The following EPB41L4B variants were observed in gnomAD, a reference collection of about 807,000 sequenced individuals.
EPB41L4B encodes the protein band 4.1-like protein 4B.
A neutral mutation model predicts 112.5 loss-of-function variants in EPB41L4B; 30 were observed. The observed-to-expected ratio is 0.27, with a 90% CI of 0.20 to 0.36. The LOEUF (loss-of-function observed/expected upper bound fraction) is 0.36. Ranked by LOEUF, EPB41L4B falls within the 10% of genes least tolerant of loss-of-function variation. EPB41L4B has a pLI of 1.00. For synonymous variants in EPB41L4B, 408 were observed against 439.7 expected, an observed-to-expected ratio of 0.93 and a Z score of 0.90; for missense variants, 1,024 against 1,133.3, an observed-to-expected ratio of 0.90 and a Z score of 1.38.
chr9:109,313,279 A>G (rs1444774235), intron 1 of EPB41L4B, among the ~76,000 whole-genome samples: 1 of 152,238 alleles, frequency 6.6e-6, no homozygotes, highest in African/African-American at 2.4e-5. Flanking sequence ...TTGCTGACTG[A>G]AGAAAACATA....
At position 109,174,273 on chromosome 9, in the gene EPB41L4B, C is replaced by G. The variant is rs1831728895; in HGVS notation, c.*281G>C. ...CCCTGTGGTTATTAACAGATACACA[C>G]AGGTACTTCTGAAAAGGAATCCCGT... On this transcript the variant is annotated 3_prime_UTR_variant, in exon 26 of 26. Coordinates refer to ENST00000374566, the MANE Select transcript of EPB41L4B (RefSeq NM_019114.5). 1 of 352,198 alleles carries G rather than the reference C, an allele frequency of 2.8e-6. No homozygotes were observed. The highest frequency in any genetic ancestry group is 2.0e-5 in the African/African-American group (1 of 49,202). The allele number at this position is 352,198 out of a possible 1,614,324, so 21.8% of individuals were successfully genotyped here.
chr9:109,240,391 C>G, intron 15 of EPB41L4B: 1 of 985,046 alleles, frequency 1.0e-6, no homozygotes, highest in Non-Finnish European at 1.2e-6. Flanking sequence ...TTTGCAGTAG[C>G]CAAAAAAGAT....
intron 15 of EPB41L4B, among the ~76,000 whole-genome samples, chr9:109,218,372 T>C (rs137925847): frequency 0.075 from 11,344 of 152,076 alleles, 453 homozygotes; most frequent in African/African-American, 0.097. Context: ...GTGACCTGCC[T>C]GCCTCAGCCT....
chr9:109,293,420 T>C (rs1336173953), intron 1 of EPB41L4B, among the ~76,000 whole-genome samples: 1 of 151,176 alleles, frequency 6.6e-6, no homozygotes. Flanking sequence ...TTCACTCTTG[T>C]TGCCAGGGCT....
At chr9:109,249,316 C>A (rs1052693427) in intron 13 of EPB41L4B, among the ~76,000 whole-genome samples, 3 of 151,892 alleles carry the variant, frequency 2.0e-5, no homozygotes, top group African/African-American at 7.2e-5. Flanking sequence ...GTTAAGCGTT[C>A]CGCAAGGTGC....
At chr9:109,230,628 C>A (rs1298354397) in intron 15 of EPB41L4B, among the ~76,000 whole-genome samples, 1 of 152,102 alleles carries the variant, frequency 6.6e-6, no homozygotes, top group Non-Finnish European at 1.5e-5. Context: ...GTTACATGTT[C>A]TTATTGAATT....
chr9:109,218,874 T>G (rs1299406836), intron 15 of EPB41L4B, among the ~76,000 whole-genome samples: 1 of 152,096 alleles, frequency 6.6e-6, no homozygotes, highest in Non-Finnish European at 1.5e-5. Context: ...ATTCCCATGG[T>G]TCAGATCTCT....
intron 1 of EPB41L4B, among the ~76,000 whole-genome samples, chr9:109,292,004 C>T (rs1014146484): frequency 7.2e-5 from 11 of 152,162 alleles, no homozygotes; most frequent in Non-Finnish European, 1.6e-4. Context: ...AGATTCAAAG[C>T]GCTCATTTCT....
At chr9:109,203,474 G>A (rs917124169) in intron 19 of EPB41L4B, among the ~76,000 whole-genome samples, 189 bp downstream of exon 19, 2 of 152,204 alleles carry the variant, frequency 1.3e-5, no homozygotes, top group Non-Finnish European at 2.9e-5. Flanking sequence ...TTAAAACTGA[G>A]AATAAGCAAC....
At chr9:109,243,155 T>C (rs1834411198) in intron 15 of EPB41L4B, among the ~76,000 whole-genome samples, 2 of 143,546 alleles carry the variant, frequency 1.4e-5, no homozygotes, top group Admixed American at 7.2e-5. Flanking sequence ...CCCCTCAGTT[T>C]AGGGAAAAAA....
At chr9:109,259,280 C>G (rs188637359) in intron 6 of EPB41L4B, among the ~76,000 whole-genome samples, 16 of 152,140 alleles carry the variant, frequency 1.1e-4, no homozygotes, top group Admixed American at 9.8e-4. Flanking sequence ...TAGTGGCTTT[C>G]GAATTTGGGT....
chr9:109,208,015 T>C lies in EPB41L4B; in HGVS notation c.1787A>G (p.Gln596Arg). ...AACAGGGGAAGGCAAAAGTGGAGTC[T>C]GAAGAGTTTTCTCCGAGACTTTCTT... Reference protein sequence around the residue: ...EEKKVSEKTLQTPLLPSPVAD... With the variant: ...EEKKVSEKTLRTPLLPSPVAD... Residue 596 changes from glutamine (Q) to arginine (R), a missense_variant, in exon 18 of 26, where the codon CAG (glutamine) becomes CGG (arginine). Physicochemically the swap from Gln to Arg is conservative, Grantham distance 43. Transcript: ENST00000374566. 1 of 1,614,180 alleles carries C rather than the reference T, an allele frequency of 6.2e-7. No homozygotes were observed. The highest frequency in any genetic ancestry group is 8.5e-7 in the Non-Finnish European group (1 of 1,180,020).
chr9:109,224,439 C>G (rs1833693886), intron 15 of EPB41L4B, among the ~76,000 whole-genome samples: 1 of 151,960 alleles, frequency 6.6e-6, no homozygotes, highest in Non-Finnish European at 1.5e-5. Context: ...AAGCCAGACA[C>G]AAAAAGGACA....
intron 1 of EPB41L4B, among the ~76,000 whole-genome samples, chr9:109,284,579 AT>A (rs1289198040): frequency 9.2e-5 from 14 of 152,136 alleles, no homozygotes; most frequent in Admixed American, 9.2e-4. Context: ...CACTGGGCTA[AT>A]TTTAAAATAT....
In EPB41L4B at chr9:109,308,446, T is replaced by C. The variant is rs556584872; in HGVS notation, c.306+11695A>G. 1.3e-4 allele frequency among the ~76,000 whole-genome samples: 20 copies of C among 152,218 alleles called. No homozygotes were observed. The South Asian group carries it at 3.9e-3, about 30-fold the overall frequency. On this transcript the variant is annotated intron_variant, in intron 1 of 25. Coordinates refer to ENST00000374566, the MANE Select transcript of EPB41L4B (RefSeq NM_019114.5). ...CAAACGGCCTCACTTCTCCAACAGA[T>C]AAATGGCTCAAAAAGGTGAAGAGAA...
intron 9 of EPB41L4B, 109 bp downstream of exon 9, chr9:109,256,027 C>G (rs1274272016): frequency 2.5e-6 from 3 of 1,186,802 alleles, no homozygotes; most frequent in Non-Finnish European, 3.7e-6. Context: ...ACCGTGTGCT[C>G]TGAGGATGAA....
chr9:109,321,008 A>AGCCGCCGCCGCCGCCGCC lies in EPB41L4B; in HGVS notation c.-580_-563dup, dbSNP rs752403352. The AGCCGCCGCCGCCGCCGCC allele has an allele frequency of 1.3e-4, 24 of 181,220 alleles. No individual in the cohort carries two copies. The highest frequency in any genetic ancestry group is 2.6e-3 in the Middle Eastern group (1 of 392). The allele number at this position is 181,220 out of a possible 1,614,324, so 11.2% of individuals were successfully genotyped here. On this transcript the variant is annotated 5_prime_UTR_variant, in exon 1 of 26. Coordinates refer to ENST00000374566, the MANE Select transcript of EPB41L4B (RefSeq NM_019114.5). ...CTCCCACCTGGGAGGCTGCACCTCC[A>AGCCGCCGCCGCCGCCGCC]GCCGCCGCCGCCGCCGCCGCCGCCG...
intron 1 of EPB41L4B, among the ~76,000 whole-genome samples, chr9:109,312,720 C>T (rs577034930): frequency 2.0e-5 from 3 of 152,110 alleles, no homozygotes; most frequent in Admixed American, 6.5e-5. Context: ...GATGGGGTCC[C>T]GACATCATCT....
chr9:109,257,325 G>A (rs1348837600), intron 7 of EPB41L4B, among the ~76,000 whole-genome samples: 4 of 152,114 alleles, frequency 2.6e-5, no homozygotes, highest in East Asian at 1.9e-4. Context: ...TAGGAAACCC[G>A]TGAGTGAGGG....
Sources: allele counts gnomAD v4.1 joint callset (sites outside exome capture counted in the v4.1 genomes callset), GRCh38; gene constraint gnomAD v4.1.1; transcripts MANE v1.5; gene names NCBI Gene and HGNC (gene_info 2026-07-23, HGNC 2026-07-21).